The following LANCL2 variants were observed in gnomAD, a reference collection of about 807,000 sequenced individuals.
LANCL2 encodes LanC like glutathione S-transferase 2.
Under a neutral mutation model 56.9 loss-of-function variants are expected in LANCL2, and 33 were observed. The observed-to-expected ratio is 0.58, with a 90% CI of 0.44 to 0.78. The LOEUF is 0.78. LANCL2 is among the 30% of genes least tolerant of loss of function. The pLI is 0.00. For synonymous variants in LANCL2, 233 were observed against 228.2 expected (o/e 1.02, Z -0.19); for missense variants, 562 against 580.2 (o/e 0.97, Z 0.32).
chr7:55,419,890 A>G (rs911318958), intron 6 of LANCL2, among the ~76,000 whole-genome samples: 2 of 151,758 alleles, frequency 1.3e-5, no homozygotes, highest in African/African-American at 4.8e-5. Context: ...CCAGTGGCTC[A>G]CTTCTATAAT....
intron 7 of LANCL2, chr7:55,428,053 C>T: frequency 2.8e-6 from 1 of 355,530 alleles, no homozygotes; most frequent in South Asian, 4.8e-5. Flanking sequence ...GCAGGCGTTT[C>T]GAGTTGCTTC....
In LANCL2 at chr7:55,370,020, C is replaced by G. The variant is rs529038831; in HGVS notation, c.204+3791C>G. ...CAGTGTCTGAGAGTCAGGAATCCAG[C>G]TGCAGGTTAGCTGGGTGGTTCTGGC... On this transcript the variant is annotated intron_variant, in intron 1 of 8. Transcript: ENST00000254770. Among the ~76,000 whole-genome samples, 183 of 152,326 alleles carry G rather than the reference C, an allele frequency of 1.2e-3. 1 individual carries two copies. Among genetic ancestry groups the G allele is most frequent in the Non-Finnish European group, 2.4e-3 (165 of 68,028 alleles).
At chr7:55,376,549 A>G (rs796443316) in intron 1 of LANCL2, among the ~76,000 whole-genome samples, 12 of 152,284 alleles carry the variant, frequency 7.9e-5, no homozygotes, top group African/African-American at 2.6e-4. Flanking sequence ...ATGCCTTTCC[A>G]TCCCCTCTCC....
At chr7:55,385,305 G>T (rs1790112712) in intron 1 of LANCL2, among the ~76,000 whole-genome samples, 1 of 152,198 alleles carries the variant, frequency 6.6e-6, no homozygotes, top group African/African-American at 2.4e-5. Flanking sequence ...GTACAGAAAG[G>T]CAGATTTATT....
intron 6 of LANCL2, among the ~76,000 whole-genome samples, chr7:55,419,028 A>G (rs1008699861): frequency 1.9e-4 from 29 of 152,034 alleles, no homozygotes; most frequent in Admixed American, 1.8e-3. Context: ...TTGGTCTGCT[A>G]ATATTTTGTT....
intron 6 of LANCL2, among the ~76,000 whole-genome samples, chr7:55,423,939 T>G (rs1790635024): frequency 6.6e-6 from 1 of 152,144 alleles, no homozygotes. Flanking sequence ...TGCCTCTGTT[T>G]CCCGCTGTGC....
intron 1 of LANCL2, among the ~76,000 whole-genome samples, chr7:55,385,775 C>A (rs951300980): frequency 2.0e-5 from 3 of 152,106 alleles, no homozygotes; most frequent in African/African-American, 7.2e-5. Flanking sequence ...ACCGGTCTGA[C>A]CAAAGTTTAT....
intron 1 of LANCL2, among the ~76,000 whole-genome samples, chr7:55,389,625 CTATTT>C (rs1351468319): frequency 2.0e-3 from 308 of 152,278 alleles, no homozygotes; most frequent in African/African-American, 7.0e-3. Flanking sequence ...GAATTTCTTC[CTATTT>C]ACCTGACAAC....
intron 5 of LANCL2, among the ~76,000 whole-genome samples, chr7:55,404,638 G>T (rs1218290127): frequency 6.6e-6 from 1 of 150,894 alleles, no homozygotes; most frequent in Admixed American, 6.6e-5. Flanking sequence ...TTTTGAGATG[G>T]AATCTTGCTT....
intron 8 of LANCL2, among the ~76,000 whole-genome samples, chr7:55,430,226 G>C (rs916693952): frequency 1.3e-5 from 2 of 152,226 alleles, no homozygotes; most frequent in Non-Finnish European, 2.9e-5. Flanking sequence ...TACAGAGAAG[G>C]CTGGGAACAC....
At chr7:55,430,432 A>T (rs1790715096) in intron 8 of LANCL2, among the ~76,000 whole-genome samples, 1 of 152,188 alleles carries the variant, frequency 6.6e-6, no homozygotes. Flanking sequence ...TCCATGGTGG[A>T]CCAAGACCAG....
intron 1 of LANCL2, among the ~76,000 whole-genome samples, chr7:55,373,290 T>TTTA (rs1789966126): frequency 6.6e-6 from 1 of 151,300 alleles, no homozygotes; most frequent in Non-Finnish European, 1.5e-5. Context: ...TATTTATTTA[T>TTTA]TTATTTATTT....
chr7:55,432,722 G>A lies in LANCL2; in HGVS notation c.*1402G>A, dbSNP rs1262982073. ...AGAAAAGCTTCCTTTTTACTTGTGT[G>A]GTTATGTGTGGGGCTGGCACCCGAA... is the stretch of plus-strand genomic sequence containing the variant. On this transcript the variant is annotated 3_prime_UTR_variant, in exon 9 of 9. Coordinates refer to ENST00000254770, the MANE Select transcript of LANCL2 (RefSeq NM_018697.4). 6.6e-6 allele frequency: 1 copy of A among 152,224 alleles called. No individual in the cohort carries two copies. The highest frequency in any genetic ancestry group is 1.5e-5 in the Non-Finnish European group (1 of 68,050). The allele number at this position is 152,224 out of a possible 1,614,324, so 9.4% of individuals were successfully genotyped here. A position where few individuals can be genotyped will look rare whatever the true frequency, so the allele number is the denominator to read the frequency against.
intron 5 of LANCL2, among the ~76,000 whole-genome samples, chr7:55,410,911 A>C (rs1281255536): frequency 6.6e-6 from 1 of 150,610 alleles, no homozygotes; most frequent in Non-Finnish European, 1.5e-5. Flanking sequence ...ATGTCACCCT[A>C]AGATGTTCTG....
At chr7:55,386,047 T>A (rs2128992268) in intron 1 of LANCL2, among the ~76,000 whole-genome samples, 1 of 152,338 alleles carries the variant, frequency 6.6e-6, no homozygotes, top group Non-Finnish European at 1.5e-5. Context: ...AGTTTAAGGT[T>A]ATCTCTCTTA....
At chr7:55,392,756 C>T (rs1790206414) in intron 2 of LANCL2, among the ~76,000 whole-genome samples, 1 of 152,160 alleles carries the variant, frequency 6.6e-6, no homozygotes, top group East Asian at 1.9e-4. Flanking sequence ...ACTTTAATAT[C>T]TAGTGTGTCT....
intron 1 of LANCL2, among the ~76,000 whole-genome samples, chr7:55,383,874 CAA>C (rs1186009727): frequency 1.3e-5 from 2 of 152,118 alleles, no homozygotes; most frequent in Admixed American, 6.5e-5. Context: ...AAATTCCTCT[CAA>C]AGTTAATTCA....
rs1409493072 is a variant in LANCL2, at chr7:55,411,899, G to T, written c.826-8G>T. On this transcript the variant is annotated splice_region_variant and splice_polypyrimidine_tract_variant and intron_variant, in intron 5 of 8. Coordinates refer to ENST00000254770, the MANE Select transcript of LANCL2 (RefSeq NM_018697.4). The stretch of plus-strand genomic sequence containing the variant: ...AATAATTTGTGTTTCATTTTTGTTT[G>T]TTTAAAGCCGGCAGCAAAAGTGGAC... The T allele has an allele frequency of 1.2e-6, 2 of 1,603,660 alleles. No homozygotes were observed. The highest frequency in any genetic ancestry group is 3.4e-5 in the Admixed American group (2 of 59,202).
chr7:55,365,943 C>G lies in LANCL2; in HGVS notation c.-83C>G. ...TCCTAGAGGACGCTCTCTGCGCGGG[C>G]CCTCGGAGGAGGCGGCGGCGGGGCG... On this transcript the variant is annotated 5_prime_UTR_variant, in exon 1 of 9. Coordinates refer to ENST00000254770, the MANE Select transcript of LANCL2 (RefSeq NM_018697.4). The G allele has an allele frequency of 7.1e-6, 8 of 1,129,402 alleles. No homozygotes were observed. The South Asian group carries it at 1.4e-4, about 20-fold the overall frequency. 70.0% of individuals were successfully genotyped at this position (1,129,402 alleles called of 1,614,324 possible). A position where few individuals can be genotyped will look rare whatever the true frequency, so the allele number is the denominator to read the frequency against.
Sources: allele counts gnomAD v4.1 joint callset (sites outside exome capture counted in the v4.1 genomes callset), GRCh38; gene constraint gnomAD v4.1.1; transcripts MANE v1.5; gene names NCBI Gene and HGNC (gene_info 2026-07-23, HGNC 2026-07-21).